ATAD5: variants seen among roughly 807,000 people sequenced by gnomAD.
ATAD5 encodes ATPase family AAA domain-containing protein 5.
In ATAD5, 58 loss-of-function variants were observed where a neutral mutation model predicts 176.9. That is an observed-to-expected ratio of 0.33 (90% confidence interval 0.27 to 0.41). ATAD5 has a LOEUF of 0.41. Ranked by LOEUF, ATAD5 falls within the 10% of genes least tolerant of loss-of-function variation. ATAD5 has a pLI of 1.00. For synonymous variants in ATAD5, 640 were observed against 712.6 expected (o/e 0.90, Z 1.62); for missense variants, 1,789 against 2,094.1 (o/e 0.85, Z 2.84).
intron 14 of ATAD5, among the ~76,000 whole-genome samples, chr17:30,872,109 T>C (rs1908369933): frequency 6.6e-6 from 1 of 151,920 alleles, no homozygotes; most frequent in Admixed American, 6.6e-5. Context: ...GTAGAGGGGG[T>C]CTTGCTGTGT....
chr17:30,885,623 CTTTTTTTTTTTTTTTTTT>C (rs778733612), intron 18 of ATAD5, among the ~76,000 whole-genome samples: 1 of 93,812 alleles, frequency 1.1e-5, no homozygotes, highest in Admixed American at 1.4e-4. Flanking sequence ...TTCCAACTTT[CTTTTTTTTTTTTTTTTTT>C]TTTTTTGGTT....
chr17:30,862,290 C>T (rs1415538041), intron 10 of ATAD5, among the ~76,000 whole-genome samples: 5 of 150,466 alleles, frequency 3.3e-5, no homozygotes, highest in African/African-American at 1.2e-4. Context: ...GCCAAGATCT[C>T]GCCACTGCAC....
chr17:30,834,849 C>A lies in ATAD5; in HGVS notation c.768C>A (p.Ala256=), dbSNP rs750047189. The A allele has an allele frequency of 3.7e-6, 6 of 1,613,090 alleles. No homozygotes were observed. The South Asian group carries it at 6.6e-5, about 18-fold the overall frequency. ...ANSRDNVTEA[A]QLNDSIITVS... is the part of the protein sequence containing the mutation. ...CTAGAGATAACGTAACTGAAGCAGC[C>A]CAGTTAAATGATAGTATAATAACTG... is the stretch of plus-strand genomic sequence containing the variant. The change falls in exon 2 of 23, where the codon GCC becomes GCA. Residue 256 remains alanine, a synonymous_variant. Coordinates refer to ENST00000321990, the MANE Select transcript of ATAD5 (RefSeq NM_024857.5).
chr17:30,851,567 G>C (rs2142349686), intron 6 of ATAD5, among the ~76,000 whole-genome samples: 1 of 152,182 alleles, frequency 6.6e-6, no homozygotes, highest in South Asian at 2.1e-4. Flanking sequence ...AACACTCTGG[G>C]AGGCCGAGTT....
Position 30,835,344 on chromosome 17 carries a change from GTCT to G in ATAD5, c.1267_1269del (p.Ser423del). 1 of 1,613,522 alleles carries G rather than the reference GTCT, an allele frequency of 6.2e-7. No individual in the cohort carries two copies. The highest frequency in any genetic ancestry group is 8.5e-7 in the Non-Finnish European group (1 of 1,179,842). ...ATGCACTTAAAAATGGAGTTAAAAA[GTCT>G]TCTGATAAGCAGAAAGACCTTAATG... On this transcript the variant is annotated inframe_deletion, in exon 2 of 23. Transcript: ENST00000321990.
intron 6 of ATAD5, among the ~76,000 whole-genome samples, chr17:30,848,096 T>A (rs1332873733): frequency 6.6e-6 from 1 of 152,150 alleles, no homozygotes; most frequent in Non-Finnish European, 1.5e-5. Flanking sequence ...TACCTAGAAG[T>A]GGAATTGCTC....
At chr17:30,840,043 C>G (rs915684433) in intron 3 of ATAD5, among the ~76,000 whole-genome samples, 2 of 151,662 alleles carry the variant, frequency 1.3e-5, no homozygotes, top group Admixed American at 1.3e-4. Flanking sequence ...ACTAAAAATA[C>G]GAAAATTAGC....
At position 30,877,664 on chromosome 17, in the gene ATAD5, G is replaced by A. The variant is rs1428791840; in HGVS notation, c.3918+115G>A. ...ATAGCTAAGGAGGTCAGGAATACGT[G>A]TATCTATTTGAAATTAAAGCAAATT... is the stretch of plus-strand genomic sequence containing the variant. On this transcript the variant is annotated intron_variant, in intron 16 of 22. Coordinates refer to ENST00000321990, the MANE Select transcript of ATAD5 (RefSeq NM_024857.5). The A allele has an allele frequency of 8.3e-6, 9 of 1,084,434 alleles. No homozygotes were observed. The East Asian group carries it at 1.8e-4, about 21-fold the overall frequency. 67.2% of individuals were successfully genotyped at this position (1,084,434 alleles called of 1,614,324 possible). A position where few individuals can be genotyped will look rare whatever the true frequency, so the allele number is the denominator to read the frequency against.
In ATAD5 at chr17:30,835,498, G is replaced by T; in HGVS notation, c.1417G>T (p.Glu473Ter). 1 of 1,607,236 alleles carries T rather than the reference G, an allele frequency of 6.2e-7. No individual in the cohort carries two copies. Among genetic ancestry groups the T allele is most frequent in the South Asian group, 1.1e-5 (1 of 88,048 alleles). ...LHTDKGSFLK[E>*]KNKKLKKKNK... ...CACTGATAAAGGAAGTTTTCTGAAGGAGAAAAATAAAAAGCTAAAGAAGAA... is the reference window on the plus strand; with the variant it reads ...CACTGATAAAGGAAGTTTTCTGAAGTAGAAAAATAAAAAGCTAAAGAAGAA... The change falls in exon 2 of 23, where the codon GAG becomes TAG. Residue 473 changes from glutamate (E) to a stop codon, truncating the protein, a stop_gained. Coordinates refer to ENST00000321990, the MANE Select transcript of ATAD5 (RefSeq NM_024857.5). LOFTEE classifies it high-confidence loss of function.
Position 30,835,656 on chromosome 17 carries a change from A to G in ATAD5, c.1575A>G (p.Thr525=), listed in dbSNP as rs764289121. The G allele has an allele frequency of 6.2e-7, 1 of 1,603,930 alleles. No homozygotes were observed. Among genetic ancestry groups the G allele is most frequent in the Non-Finnish European group, 8.5e-7 (1 of 1,177,010 alleles). Residue 525 remains threonine (T), a synonymous_variant, in exon 2 of 23, where the codon ACA becomes ACG. Transcript: ENST00000321990. The part of the protein sequence containing the change: ...QNRMSLRQRK[T]EFFKSSTLFN... ...GAATGAGTTTAAGACAAAGGAAAACAGAGTTTTTCAAAAGCAGCACTTTAT... is the reference window on the plus strand; with the variant it reads ...GAATGAGTTTAAGACAAAGGAAAACGGAGTTTTTCAAAAGCAGCACTTTAT...
intron 14 of ATAD5, among the ~76,000 whole-genome samples, chr17:30,872,116 G>A (rs1908370279): frequency 1.3e-5 from 2 of 152,006 alleles, no homozygotes; most frequent in Non-Finnish European, 2.9e-5. Flanking sequence ...GGGTCTTGCT[G>A]TGTTGTCAGG....
intron 6 of ATAD5, among the ~76,000 whole-genome samples, chr17:30,853,302 G>A (rs911026568): frequency 6.6e-6 from 1 of 151,858 alleles, no homozygotes. Flanking sequence ...TGTAATATAT[G>A]TATATGCATG....
At chr17:30,832,525 G>C in intron 1 of ATAD5, 112 bp downstream of exon 1, 1 of 1,098,302 alleles carries the variant, frequency 9.1e-7, no homozygotes. Context: ...GTGGGACATT[G>C]TGAGGACCCA....
At chr17:30,878,226 A>G (rs538326733) in intron 17 of ATAD5, 130 bp downstream of exon 17, 73 of 637,492 alleles carry the variant, frequency 1.1e-4, no homozygotes, top group African/African-American at 7.5e-4. Flanking sequence ...TTGGGTTACT[A>G]TGTTGGGTAT....
rs776130286 is a variant in ATAD5, at chr17:30,865,767, T to C, written c.3200T>C (p.Ile1067Thr). Residue 1067 changes from isoleucine (I) to threonine (T), a missense_variant, in exon 11 of 23, where the codon ATA (isoleucine) becomes ACA (threonine). By Grantham distance (89) the Ile-to-Thr change is moderately conservative (BLOSUM62 -1). This residue lies in a region of ATAD5 where 487 missense variants were observed against 573.6 expected (regional missense o/e 0.85). Coordinates refer to ENST00000321990, the MANE Select transcript of ATAD5 (RefSeq NM_024857.5). ...CAACCTCAGACTGCCAGTGAACTTA[T>C]AGGAAATGAGTTAGCTATAAAAAAG... ...KYQPQTASEL[I>T]GNELAIKKLH... 5 of 1,594,136 alleles carry C rather than the reference T, an allele frequency of 3.1e-6. No homozygotes were observed. Among genetic ancestry groups the C allele is most frequent in the Non-Finnish European group, 3.4e-6 (4 of 1,172,872 alleles).
intron 10 of ATAD5, among the ~76,000 whole-genome samples, chr17:30,861,052 C>T (rs1356579327): frequency 6.6e-6 from 1 of 152,064 alleles, no homozygotes; most frequent in Non-Finnish European, 1.5e-5. Flanking sequence ...ATTCACCCAC[C>T]TCGGCCTCCC....
rs200238588 is a variant in ATAD5, at chr17:30,893,972, G to A, written c.5119G>A (p.Glu1707Lys). The A allele has an allele frequency of 1.9e-6, 3 of 1,613,924 alleles. No individual in the cohort carries two copies. The highest frequency in any genetic ancestry group is 1.7e-6 in the Non-Finnish European group (2 of 1,179,960). ...TGGATGGACTTCTCAAAGCTCTGGAGAATTAAAGGCAGCTGCAGAAGCTCT... is the reference window on the plus strand; with the variant it reads ...TGGATGGACTTCTCAAAGCTCTGGAAAATTAAAGGCAGCTGCAGAAGCTCT... ...NDGWTSQSSGELKAAAEALSF... is the reference protein window; with the variant it reads ...NDGWTSQSSGKLKAAAEALSF... The change falls in exon 21 of 23, where the codon GAA (glutamate) becomes AAA (lysine). Residue 1707 changes from glutamate to lysine, a missense_variant. This residue lies in a region of ATAD5 where 403 missense variants were observed against 495.1 expected (regional missense o/e 0.81). Transcript: ENST00000321990.
chr17:30,845,850 T>A (rs1450220138), intron 6 of ATAD5, among the ~76,000 whole-genome samples: 1 of 152,082 alleles, frequency 6.6e-6, no homozygotes, highest in Non-Finnish European at 1.5e-5. Context: ...GAATTAAAAA[T>A]CCCTCGATGA....
intron 6 of ATAD5, among the ~76,000 whole-genome samples, chr17:30,846,415 T>C (rs1339958091): frequency 2.6e-5 from 4 of 151,622 alleles, no homozygotes; most frequent in East Asian, 3.9e-4. Context: ...TTTTTCTTTT[T>C]TTTTTTTAGA....
Sources: gnomAD v4.1 joint callset for allele counts (sites outside exome capture counted in the v4.1 genomes callset) on GRCh38, gnomAD v4.1.1 for gene constraint, gnomAD v4.1.1 regional missense constraint, MANE v1.5 for transcripts, NCBI Gene and HGNC (gene_info 2026-07-23, HGNC 2026-07-21) for gene names.